AVL9: variants seen among roughly 807,000 people sequenced by gnomAD.
The protein encoded by AVL9 is late secretory pathway protein AVL9 homolog.
Under a neutral mutation model 79.2 loss-of-function variants are expected in AVL9, and 49 were observed. That is an observed-to-expected ratio of 0.62 (90% CI 0.49 to 0.79). The LOEUF (loss-of-function observed/expected upper bound fraction) is 0.79, where lower values mean the gene tolerates loss of function less well. Among genes scored for constraint, AVL9 ranks in the 30% least tolerant of loss-of-function variants. The pLI is 0.00. For missense variants in AVL9, 682 were observed against 776.8 expected, an observed-to-expected ratio of 0.88 and a Z score of 1.45; for synonymous variants, 299 against 280.6, an observed-to-expected ratio of 1.07 and a Z score of -0.65.
rs76195855 is a variant in AVL9, at chr7:32,574,276, T to C, written c.1570+858T>C. ...ACCACATGCTCCCAGGTTAGTTGTT[T>C]ACAGTGCACATAGGAGTTTTAAAGT... On this transcript the variant is annotated intron_variant, in intron 12 of 15. Transcript: ENST00000318709. Among the ~76,000 whole-genome samples the C allele has an allele frequency of 3.7e-4, 57 of 152,216 alleles. No individual in the cohort carries two copies. The East Asian group carries it at 9.5e-3, about 25-fold the overall frequency.
At position 32,570,018 on chromosome 7, in the gene AVL9, A is replaced by G. The variant is rs757574436; in HGVS notation, c.1216-2A>G. ...ATTTTCTATTACTCTTCTAATTCATAGGGATATCTGTGTTTGCCTTACATG... is the reference window on the plus strand; with the variant it reads ...ATTTTCTATTACTCTTCTAATTCATGGGGATATCTGTGTTTGCCTTACATG... On this transcript the variant is annotated splice_acceptor_variant, in intron 10 of 15. Coordinates refer to ENST00000318709, the MANE Select transcript of AVL9 (RefSeq NM_015060.3). LOFTEE classifies it high-confidence loss of function. 5.0e-6 allele frequency: 8 copies of G among 1,614,106 alleles called. No individual in the cohort carries two copies. The Admixed American group carries it at 1.3e-4, about 27-fold the overall frequency.
At chr7:32,496,968 AGC>A (rs1473656615) in intron 1 of AVL9, among the ~76,000 whole-genome samples, 3 of 152,216 alleles carry the variant, frequency 2.0e-5, no homozygotes, top group Admixed American at 6.5e-5. Context: ...TGCATGTGAT[AGC>A]GCACTTGTAG....
chr7:32,558,520 A>G (rs758924803), intron 8 of AVL9, 39 bp from the exon 9 acceptor site: 1 of 1,444,028 alleles, frequency 6.9e-7, no homozygotes, highest in African/African-American at 1.4e-5. Flanking sequence ...GGACGGCTTC[A>G]TGGGTCTTCT....
chr7:32,579,402 ATT>A lies in AVL9; in HGVS notation c.1689-816_1689-815del, dbSNP rs1562801450. On this transcript the variant is annotated intron_variant, in intron 13 of 15. Transcript: ENST00000318709. ...TTATATAACATATTATATGTTATAT[ATT>A]ATATATAATATGTTATATATATAAT... is the stretch of plus-strand genomic sequence containing the variant. 3.2e-3 allele frequency among the ~76,000 whole-genome samples: 48 copies of A among 14,912 alleles called. 11 individuals are homozygous for A. The highest frequency in any genetic ancestry group is 0.011 in the African/African-American group (44 of 3,990). 9.8% of individuals were successfully genotyped at this position (14,912 alleles called of 152,430 possible).
At position 32,511,042 on chromosome 7, in the gene AVL9, G is replaced by A. The variant is rs571167322; in HGVS notation, c.93+15240G>A. 6.7e-5 allele frequency among the ~76,000 whole-genome samples: 9 copies of A among 135,108 alleles called. No individual in the cohort carries two copies. The South Asian group carries it at 7.4e-4, about 11-fold the overall frequency. The allele number at this position is 135,108 out of a possible 152,430, so 88.6% of individuals were successfully genotyped here. ...CTCCCCAGGGTAAGATTTGTGAGCC[G>A]TCAGGTCTGGTTGTGGGAGTCCACA... is the stretch of plus-strand genomic sequence containing the variant. On this transcript the variant is annotated intron_variant, in intron 1 of 15. Transcript: ENST00000318709.
chr7:32,571,559 A>T (rs977501531), intron 11 of AVL9, among the ~76,000 whole-genome samples: 1 of 152,070 alleles, frequency 6.6e-6, no homozygotes, highest in African/African-American at 2.4e-5. Context: ...ATTCACCCAC[A>T]CTAAGGTTTT....
chr7:32,499,936 TC>T (rs201130627), intron 1 of AVL9, among the ~76,000 whole-genome samples: 22,745 of 152,214 alleles, frequency 0.15, 1,716 homozygotes, highest in East Asian at 0.19. Context: ...TCATTCTTTT[TC>T]ATGGCTGCAT....
chr7:32,545,282 T>A (rs959352706), intron 3 of AVL9, among the ~76,000 whole-genome samples: 11 of 151,744 alleles, frequency 7.2e-5, no homozygotes, highest in Non-Finnish European at 1.2e-4. Context: ...TTTTTTTTTT[T>A]AAGCAGCATT....
chr7:32,544,930 TCA>T, intron 3 of AVL9, 151 bp downstream of exon 3: 1 of 590,886 alleles, frequency 1.7e-6, no homozygotes, highest in Admixed American at 3.0e-5. Context: ...GCCAGTTTAT[TCA>T]CAGAAACATT....
intron 4 of AVL9, among the ~76,000 whole-genome samples, chr7:32,550,734 A>G (rs1421771404): frequency 6.6e-6 from 1 of 152,206 alleles, no homozygotes; most frequent in Non-Finnish European, 1.5e-5. Flanking sequence ...TCAAATATAT[A>G]AAACAATATT....
chr7:32,559,413 T>C lies in AVL9; in HGVS notation c.1164T>C (p.Ile388=). Residue 388 remains isoleucine, a synonymous_variant, in exon 10 of 16, where the codon ATT becomes ATC. Transcript: ENST00000318709. ...TGQVVLIPGL[I]SGLEEDQYGM... ...AGGTAGTCCTGATACCAGGGCTCAT[T>C]TCGGGTTTGGAAGAGGATCAGTATG... 6.2e-7 allele frequency: 1 copy of C among 1,606,958 alleles called. No individual in the cohort carries two copies. Among genetic ancestry groups the C allele is most frequent in the Non-Finnish European group, 8.5e-7 (1 of 1,177,024 alleles).
At chr7:32,581,176 CCA>C (rs1437899104) in intron 15 of AVL9, 25 of 343,892 alleles carry the variant, frequency 7.3e-5, no homozygotes, top group African/African-American at 5.1e-4. Flanking sequence ...CCTGTGCTGT[CCA>C]CAGTTCTTTA....
Position 32,580,784 on chromosome 7 carries a change from A to T in AVL9, c.1743-18A>T. 6.3e-7 allele frequency: 1 copy of T among 1,599,718 alleles called. No individual in the cohort carries two copies. The highest frequency in any genetic ancestry group is 1.1e-5 in the South Asian group (1 of 90,130). ...TAAAATTGTACCTAACACTTCTTTT[A>T]TCTTATCTTTTACCCAGTTCTGTTC... On this transcript the variant is annotated intron_variant, in intron 14 of 15. Transcript: ENST00000318709.
In AVL9 at chr7:32,583,902, C is replaced by G; in HGVS notation, c.1942C>G (p.Pro648Ala). Residue 648 changes from proline to alanine, a missense_variant, in exon 16 of 16, where the codon CCT (proline) becomes GCT (alanine). Coordinates refer to ENST00000318709, the MANE Select transcript of AVL9 (RefSeq NM_015060.3). ...QSLTEPPDEK[P>A] is the part of the protein sequence containing the mutation. ...TCTCACTGAGCCACCAGATGAGAAG[C>G]CTTGAGCAAGGCGTCAGAGGCTGCT... 1.9e-6 allele frequency: 3 copies of G among 1,612,308 alleles called. No individual in the cohort carries two copies. The highest frequency in any genetic ancestry group is 2.5e-6 in the Non-Finnish European group (3 of 1,178,330).
Position 32,583,989 on chromosome 7 carries a change from C to T in AVL9, c.*82C>T. Reference sequence around the variant, plus strand: ...GCTGCTCCCAGGCTGTTACTAGCCACAGATCCACAGCAGGGGACCATATGT... The same window carrying T: ...GCTGCTCCCAGGCTGTTACTAGCCATAGATCCACAGCAGGGGACCATATGT... On this transcript the variant is annotated 3_prime_UTR_variant, in exon 16 of 16. Coordinates refer to ENST00000318709, the MANE Select transcript of AVL9 (RefSeq NM_015060.3). The T allele has an allele frequency of 1.1e-6, 1 of 945,648 alleles. No individual in the cohort carries two copies. The highest frequency in any genetic ancestry group is 1.3e-5 in the South Asian group (1 of 75,046). 58.6% of individuals were successfully genotyped at this position (945,648 alleles called of 1,614,324 possible). A position where few individuals can be genotyped will look rare whatever the true frequency, so the allele number is the denominator to read the frequency against.
chr7:32,496,046 C>A (rs1786792012), intron 1 of AVL9, among the ~76,000 whole-genome samples: 2 of 148,706 alleles, frequency 1.3e-5, no homozygotes, highest in African/African-American at 4.9e-5. Flanking sequence ...CTGGTTGATA[C>A]GTGTAGGTTG....
rs1562801579 is a variant in AVL9 at position 32,579,430 on chromosome 7, A to ATATATAT, written c.1689-781_1689-775dup. Reference sequence around the variant, plus strand: ...ATATATAATATGTTATATATATAATATATATATTATATATAATATATTATA... The same window carrying ATATATAT: ...ATATATAATATGTTATATATATAATATATATATTATATATTATATATAATATATTATA... On this transcript the variant is annotated intron_variant, in intron 13 of 15. Transcript: ENST00000318709. Among the ~76,000 whole-genome samples the ATATATAT allele has an allele frequency of 8.3e-4, 2 of 2,396 alleles. 1 individual carries two copies. Among genetic ancestry groups the ATATATAT allele is most frequent in the Non-Finnish European group, 1.7e-3 (2 of 1,162 alleles). 1.6% of individuals were successfully genotyped at this position (2,396 alleles called of 152,430 possible).
chr7:32,585,601 C>T lies in AVL9; in HGVS notation c.*1694C>T, dbSNP rs1199331021. The T allele has an allele frequency of 6.6e-6, 1 of 152,158 alleles. No homozygotes were observed. The highest frequency in any genetic ancestry group is 1.5e-5 in the Non-Finnish European group (1 of 68,018). 9.4% of individuals were successfully genotyped at this position (152,158 alleles called of 1,614,324 possible). The stretch of plus-strand genomic sequence containing the variant: ...GGGCCCTGATTATATTTGGTTTATT[C>T]CTCACTAAATGTTTAAGAAGTAAAT... On this transcript the variant is annotated 3_prime_UTR_variant, in exon 16 of 16. Coordinates refer to ENST00000318709, the MANE Select transcript of AVL9 (RefSeq NM_015060.3).
rs1466628321 is a variant in AVL9 at position 32,585,545 on chromosome 7, A to G, written c.*1638A>G. ...ACTTGGGAAATACATTGTGAGTATG[A>G]TCTATCCCAGATTGCTGGGGAAATA... On this transcript the variant is annotated 3_prime_UTR_variant, in exon 16 of 16. Transcript: ENST00000318709. 1 of 152,206 alleles carries G rather than the reference A, an allele frequency of 6.6e-6. No homozygotes were observed. The highest frequency in any genetic ancestry group is 1.5e-5 in the Non-Finnish European group (1 of 68,038). The allele number at this position is 152,206 out of a possible 1,614,324, so 9.4% of individuals were successfully genotyped here.
Sources: gnomAD v4.1 joint callset for allele counts (sites outside exome capture counted in the v4.1 genomes callset) on GRCh38, gnomAD v4.1.1 for gene constraint, MANE v1.5 for transcripts, NCBI Gene and HGNC (gene_info 2026-07-23, HGNC 2026-07-21) for gene names.